C2CD5: variants seen among roughly 807,000 people sequenced by gnomAD.
C2CD5 encodes the protein C2 calcium dependent domain containing 5.
C2CD5 carries 109 observed loss-of-function variants against 130.3 expected under a neutral mutation model. That is an observed-to-expected ratio of 0.84 (90% CI 0.72 to 0.98). The LOEUF (loss-of-function observed/expected upper bound fraction) is 0.98. Among genes scored for constraint, C2CD5 ranks in the 50% least tolerant of loss-of-function variants. The pLI is 0.00. For missense variants in C2CD5, 996 were observed against 1,261.8 expected (o/e 0.79, Z 3.19); for synonymous variants, 454 against 429.2 (o/e 1.06, Z -0.71).
intron 15 of C2CD5, among the ~76,000 whole-genome samples, chr12:22,476,319 C>G (rs941217365): frequency 6.6e-6 from 1 of 151,928 alleles, no homozygotes; most frequent in African/African-American, 2.4e-5. Flanking sequence ...GGTAATCAAC[C>G]TTGTACACTG....
Position 22,452,730 on chromosome 12 carries a change from G to C in C2CD5, c.3024+1166C>G, listed in dbSNP as rs369271798. ...ACCTGAAAAGAACTTAGTAAATGAA[G>C]TACCCTTCTGAAGAAACTGATTAAA... On this transcript the variant is annotated intron_variant, in intron 26 of 26. Transcript: ENST00000446597. Among the ~76,000 whole-genome samples the C allele has an allele frequency of 2.9e-4, 44 of 152,232 alleles. No individual in the cohort carries two copies. In the South Asian group the frequency reaches 9.1e-3, roughly 32 times the overall value.
intron 6 of C2CD5, among the ~76,000 whole-genome samples, chr12:22,523,900 T>C (rs910688139): frequency 4.6e-5 from 7 of 151,954 alleles, no homozygotes; most frequent in South Asian, 2.1e-4. Context: ...ATAACATTGA[T>C]ACTTTGTGTG....
intron 22 of C2CD5, among the ~76,000 whole-genome samples, chr12:22,467,633 T>C (rs961444536): frequency 5.9e-5 from 9 of 152,314 alleles, no homozygotes; most frequent in African/African-American, 1.2e-4. Flanking sequence ...GGTTAAGCAA[T>C]TGGTCCAAGT....
At chr12:22,499,481 T>C (rs1392821620) in intron 10 of C2CD5, among the ~76,000 whole-genome samples, 2 of 152,318 alleles carry the variant, frequency 1.3e-5, no homozygotes, top group East Asian at 3.9e-4. Flanking sequence ...GATTAAATGG[T>C]CTACTATTAT....
intron 8 of C2CD5, among the ~76,000 whole-genome samples, chr12:22,516,279 G>A (rs1949713011): frequency 6.6e-6 from 1 of 151,744 alleles, no homozygotes; most frequent in Admixed American, 6.6e-5. Flanking sequence ...AGAAATAGGA[G>A]TGCTCCTCAG....
chr12:22,534,280 C>T (rs998940736), intron 3 of C2CD5, among the ~76,000 whole-genome samples: 1 of 152,062 alleles, frequency 6.6e-6, no homozygotes, highest in African/African-American at 2.4e-5. Context: ...GAATTAAAAC[C>T]ATAAAACTCT....
intron 15 of C2CD5, among the ~76,000 whole-genome samples, chr12:22,477,072 A>T (rs957475143): frequency 6.6e-6 from 1 of 152,174 alleles, no homozygotes; most frequent in African/African-American, 2.4e-5. Flanking sequence ...GTTCAATAGA[A>T]ATATAAAGCA....
chr12:22,490,339 TTAAA>T, intron 11 of C2CD5, 121 bp from the exon 12 acceptor site: 2 of 563,864 alleles, frequency 3.5e-6, no homozygotes, highest in Non-Finnish European at 6.1e-6. Context: ...CTACTCAATA[TTAAA>T]TAATATTTAC....
At position 22,469,799 on chromosome 12, in the gene C2CD5, G is replaced by C; in HGVS notation, c.2447-4C>G. On this transcript the variant is annotated splice_region_variant and splice_polypyrimidine_tract_variant and intron_variant, in intron 21 of 26. Transcript: ENST00000446597. ...AGTTCTTCATTATCTGTTGAGGCTA[G>C]AAAGGCAAGAAAATATCAGTTATTT... The C allele has an allele frequency of 6.5e-7, 1 of 1,546,646 alleles. No homozygotes were observed. Among genetic ancestry groups the C allele is most frequent in the Non-Finnish European group, 8.8e-7 (1 of 1,137,772 alleles).
At chr12:22,529,420 C>T (rs774581831) in intron 3 of C2CD5, among the ~76,000 whole-genome samples, 3 of 152,116 alleles carry the variant, frequency 2.0e-5, no homozygotes, top group Non-Finnish European at 4.4e-5. Flanking sequence ...ACATTCACCT[C>T]TGAGTATTAT....
chr12:22,449,509 G>T lies in C2CD5; in HGVS notation c.*251C>A. 1 of 315,132 alleles carries T rather than the reference G, an allele frequency of 3.2e-6. No homozygotes were observed. The highest frequency in any genetic ancestry group is 5.8e-6 in the Non-Finnish European group (1 of 171,780). 19.5% of individuals were successfully genotyped at this position (315,132 alleles called of 1,614,324 possible). The stretch of plus-strand genomic sequence containing the variant: ...CATAAATTACAAAGGTTCCATCTTT[G>T]CTACGGTTCTTTTAAAAATTTATCT... On this transcript the variant is annotated 3_prime_UTR_variant, in exon 27 of 27. Coordinates refer to ENST00000446597, the MANE Select transcript of C2CD5 (RefSeq NM_001286176.2).
chr12:22,486,967 T>C (rs187183951), intron 12 of C2CD5, among the ~76,000 whole-genome samples: 68 of 152,312 alleles, frequency 4.5e-4, no homozygotes, highest in Non-Finnish European at 1.3e-4. Flanking sequence ...GGATTCCCTA[T>C]TTAATAAATG....
intron 17 of C2CD5, 37 bp downstream of exon 17, chr12:22,472,707 A>C: frequency 8.9e-7 from 1 of 1,127,614 alleles, no homozygotes; most frequent in Non-Finnish European, 1.4e-6. Flanking sequence ...TTTATATGTA[A>C]AACTAGTTTC....
At chr12:22,450,353 T>C (rs1012617028) in intron 26 of C2CD5, among the ~76,000 whole-genome samples, 12 of 152,126 alleles carry the variant, frequency 7.9e-5, no homozygotes, top group African/African-American at 2.9e-4. Flanking sequence ...CTTGGACATG[T>C]ATGCAACAAA....
chr12:22,520,928 G>A (rs1950215669), intron 7 of C2CD5, among the ~76,000 whole-genome samples: 1 of 151,994 alleles, frequency 6.6e-6, no homozygotes, highest in Admixed American at 6.6e-5. Flanking sequence ...TTCAAACTAT[G>A]GCATCAAATT....
At chr12:22,520,888 T>C (rs1465535569) in intron 7 of C2CD5, among the ~76,000 whole-genome samples, 3 of 151,974 alleles carry the variant, frequency 2.0e-5, no homozygotes, top group Admixed American at 6.5e-5. Flanking sequence ...TAAAATAAAA[T>C]GAAAAAACTA....
At chr12:22,506,653 T>A in intron 10 of C2CD5, 58 bp downstream of exon 10, 1 of 1,004,344 alleles carries the variant, frequency 1.0e-6, no homozygotes, top group Non-Finnish European at 1.5e-6. Flanking sequence ...ATCATAAAAA[T>A]CAATTTTAAT....
Position 22,457,135 on chromosome 12 carries a change from C to G in C2CD5, c.2713G>C (p.Val905Leu), listed in dbSNP as rs375588532. The G allele has an allele frequency of 5.9e-5, 94 of 1,603,700 alleles. No homozygotes were observed. Among genetic ancestry groups the G allele is most frequent in the Non-Finnish European group, 7.6e-5 (89 of 1,176,288 alleles). Residue 905 changes from valine to leucine, a missense_variant, in exon 25 of 27, where the codon GTG becomes CTG. Transcript: ENST00000446597. ...TTMTVEKASP[V>L]GDGNFRNRSA... ...CGATTCCGGAAATTTCCATCACCCA[C>G]TGGACTTGCTTTTTCAACTGTCATG...
At chr12:22,470,037 C>T (rs1942770377) in intron 21 of C2CD5, among the ~76,000 whole-genome samples, 1 of 152,066 alleles carries the variant, frequency 6.6e-6, no homozygotes. Flanking sequence ...CTGTAACTCA[C>T]TTAGCACAGT....
Sources: allele counts gnomAD v4.1 joint callset (sites outside exome capture counted in the v4.1 genomes callset), GRCh38; gene constraint gnomAD v4.1.1; transcripts MANE v1.5; gene names NCBI Gene and HGNC (gene_info 2026-07-23, HGNC 2026-07-21).